Variants in IGF1R observed in about 807,000 individuals in gnomAD.
IGF1R encodes the protein insulin-like growth factor 1 receptor.
A neutral mutation model predicts 144.6 loss-of-function variants in IGF1R; 44 were observed. The ratio of observed to expected loss-of-function variants is 0.30; its 90% confidence interval spans 0.24 to 0.39. The LOEUF is 0.39. Among genes scored for constraint, IGF1R ranks in the 10% least tolerant of loss-of-function variants. The pLI, the probability that IGF1R is intolerant of heterozygous loss-of-function variation, is 1.00. For synonymous variants in IGF1R, 795 were observed against 722.8 expected (o/e 1.10, Z -1.60); for missense variants, 1,355 against 1,833.7 (o/e 0.74, Z 4.77).
intron 2 of IGF1R, among the ~76,000 whole-genome samples, chr15:98,717,090 T>G (rs2054135780): frequency 6.6e-6 from 1 of 152,218 alleles, no homozygotes; most frequent in African/African-American, 2.4e-5. Context: ...TACATCATTT[T>G]GTACAGAACA....
intron 3 of IGF1R, among the ~76,000 whole-genome samples, chr15:98,892,203 C>T (rs866968642): frequency 6.6e-6 from 1 of 152,248 alleles, no homozygotes; most frequent in South Asian, 2.1e-4. Context: ...TCCCTCAGTG[C>T]TCATCATGTC....
intron 2 of IGF1R, among the ~76,000 whole-genome samples, chr15:98,764,811 TAAA>T (rs1451336867): frequency 1.3e-5 from 2 of 152,128 alleles, no homozygotes; most frequent in Admixed American, 1.3e-4. Context: ...TTTATAGAGG[TAAA>T]ATTCATATGA....
chr15:98,780,400 A>AT (rs1238732186), intron 2 of IGF1R, among the ~76,000 whole-genome samples: 1 of 151,778 alleles, frequency 6.6e-6, no homozygotes, highest in Non-Finnish European at 1.5e-5. Flanking sequence ...AAAATACAAA[A>AT]TTAGCCACAG....
intron 2 of IGF1R, among the ~76,000 whole-genome samples, chr15:98,769,945 G>A (rs1422862237): frequency 1.3e-5 from 2 of 151,926 alleles, no homozygotes; most frequent in Non-Finnish European, 2.9e-5. Context: ...GATTATTCCG[G>A]TGAGTGTTAA....
intron 8 of IGF1R, 72 bp from the exon 9 acceptor site, chr15:98,915,892 T>C: frequency 7.0e-7 from 1 of 1,434,892 alleles, no homozygotes; most frequent in Non-Finnish European, 9.8e-7. Context: ...CCTGTTGGCT[T>C]GCCAGAGTAT....
At chr15:98,840,801 G>A (rs770112479) in intron 2 of IGF1R, among the ~76,000 whole-genome samples, 3 of 151,312 alleles carry the variant, frequency 2.0e-5, no homozygotes, top group Non-Finnish European at 2.9e-5. Flanking sequence ...TCAACCTCCC[G>A]AGTAGACTAG....
At chr15:98,805,296 C>T (rs541700879) in intron 2 of IGF1R, among the ~76,000 whole-genome samples, 1 of 152,226 alleles carries the variant, frequency 6.6e-6, no homozygotes, top group South Asian at 2.1e-4. Flanking sequence ...CTCCCCATCC[C>T]ACACGCTGAT....
intron 20 of IGF1R, among the ~76,000 whole-genome samples, chr15:98,956,649 AG>A (rs1221432684): frequency 1.3e-5 from 2 of 152,242 alleles, no homozygotes; most frequent in Non-Finnish European, 2.9e-5. Flanking sequence ...GTGAGAAACC[AG>A]GGGTTTCCTG....
intron 2 of IGF1R, among the ~76,000 whole-genome samples, chr15:98,799,559 C>T (rs950525464): frequency 6.6e-6 from 1 of 152,190 alleles, no homozygotes; most frequent in African/African-American, 2.4e-5. Context: ...ATGTATTTCG[C>T]AAGATTCATT....
intron 2 of IGF1R, among the ~76,000 whole-genome samples, chr15:98,885,332 C>A (rs573817442): frequency 6.6e-6 from 1 of 152,228 alleles, no homozygotes; most frequent in Non-Finnish European, 1.5e-5. Flanking sequence ...GGGTGGACTT[C>A]TGTTCGGCCT....
At chr15:98,714,720 G>C (rs936499814) in intron 2 of IGF1R, among the ~76,000 whole-genome samples, 2 of 152,040 alleles carry the variant, frequency 1.3e-5, no homozygotes, top group African/African-American at 4.8e-5. Flanking sequence ...AATAAAAAAA[G>C]AATGTGTAAA....
At chr15:98,731,983 C>G (rs1041001296) in intron 2 of IGF1R, among the ~76,000 whole-genome samples, 6 of 152,194 alleles carry the variant, frequency 3.9e-5, no homozygotes, top group Non-Finnish European at 5.9e-5. Flanking sequence ...CACCCCCAAG[C>G]TCTGGGTGTT....
intron 7 of IGF1R, 66 bp downstream of exon 7, chr15:98,911,507 C>T (rs545260823): frequency 6.2e-5 from 99 of 1,605,792 alleles, no homozygotes; most frequent in Non-Finnish European, 7.9e-5. Flanking sequence ...GCCAGTCTTT[C>T]GATCCTTGAA....
At chr15:98,854,873 T>G (rs2011709513) in intron 2 of IGF1R, among the ~76,000 whole-genome samples, 1 of 152,036 alleles carries the variant, frequency 6.6e-6, no homozygotes, top group Non-Finnish European at 1.5e-5. Context: ...CTGGCCTGGC[T>G]TTGGGTTCTA....
intron 2 of IGF1R, among the ~76,000 whole-genome samples, chr15:98,813,818 A>G (rs1324165689): frequency 6.6e-6 from 1 of 152,208 alleles, no homozygotes; most frequent in East Asian, 1.9e-4. Flanking sequence ...CCTGACTATC[A>G]AGAGTTGCCT....
At chr15:98,758,715 T>A (rs2055220053) in intron 2 of IGF1R, among the ~76,000 whole-genome samples, 1 of 152,164 alleles carries the variant, frequency 6.6e-6, no homozygotes, top group Admixed American at 6.5e-5. Context: ...ATTTGGGAGA[T>A]CCTGAGGGCC....
chr15:98,805,740 C>G (rs1169820334), intron 2 of IGF1R, among the ~76,000 whole-genome samples: 3 of 152,184 alleles, frequency 2.0e-5, no homozygotes, highest in Non-Finnish European at 4.4e-5. Context: ...CTGATAAGTC[C>G]TTGCCATAAA....
intron 2 of IGF1R, among the ~76,000 whole-genome samples, chr15:98,832,454 A>G (rs920371261): frequency 4.6e-5 from 7 of 152,078 alleles, no homozygotes. Flanking sequence ...TTATTAGATT[A>G]CCCCTGAGAT....
intron 2 of IGF1R, among the ~76,000 whole-genome samples, chr15:98,888,095 T>C (rs1416119087): frequency 6.6e-6 from 1 of 152,158 alleles, no homozygotes; most frequent in Non-Finnish European, 1.5e-5. Context: ...TCTTTCCACT[T>C]TCAACTCCAC....
Sources: gnomAD v4.1 joint callset for allele counts (sites outside exome capture counted in the v4.1 genomes callset) on GRCh38, gnomAD v4.1.1 for gene constraint, MANE v1.5 for transcripts, NCBI Gene and HGNC (gene_info 2026-07-23, HGNC 2026-07-21) for gene names.